NRXN3: variants seen among roughly 807,000 people sequenced by gnomAD.
The protein encoded by NRXN3 is neurexin III.
In NRXN3, 32 loss-of-function variants were observed where a neutral mutation model predicts 137.6. The ratio of observed to expected loss-of-function variants is 0.23; its 90% CI spans 0.18 to 0.31. The LOEUF is 0.31. Ranked by LOEUF, NRXN3 falls within the 10% of genes least tolerant of loss-of-function variation. The pLI is 1.00. For missense variants in NRXN3, 1,574 were observed against 2,062.5 expected (o/e 0.76, Z 4.59); for synonymous variants, 798 against 784.5 (o/e 1.02, Z -0.29).
At chr14:78,862,897 G>T (rs1267906121) in intron 10 of NRXN3, among the ~76,000 whole-genome samples, 1 of 152,124 alleles carries the variant, frequency 6.6e-6, no homozygotes, top group Non-Finnish European at 1.5e-5. Flanking sequence ...AATTTTGCAG[G>T]TCTGAAAAAC....
At chr14:79,467,149 C>T in intron 15 of NRXN3, 72 bp from the exon 16 acceptor site, 1 of 1,457,484 alleles carries the variant, frequency 6.9e-7, no homozygotes. Context: ...TGTGTAGGGT[C>T]TCAACAGTGT....
intron 15 of NRXN3, among the ~76,000 whole-genome samples, chr14:79,293,846 T>G (rs1316496382): frequency 2.6e-5 from 4 of 152,230 alleles, no homozygotes; most frequent in Non-Finnish European, 4.4e-5. Context: ...ATCAAACTGT[T>G]TGATGAGAGC....
chr14:79,052,304 G>A (rs2152573173), intron 15 of NRXN3, among the ~76,000 whole-genome samples: 1 of 152,298 alleles, frequency 6.6e-6, no homozygotes. Flanking sequence ...GAGAGAAAAT[G>A]ATTTCTAGGA....
At chr14:79,379,259 T>C (rs1051622577) in intron 15 of NRXN3, among the ~76,000 whole-genome samples, 1 of 152,192 alleles carries the variant, frequency 6.6e-6, no homozygotes, top group African/African-American at 2.4e-5. Context: ...GGTAAATCCT[T>C]AAGCATAAGG....
intron 10 of NRXN3, among the ~76,000 whole-genome samples, chr14:78,851,688 T>C (rs752119822): frequency 1.3e-5 from 2 of 152,172 alleles, no homozygotes; most frequent in Non-Finnish European, 2.9e-5. Flanking sequence ...GCCAGGCATG[T>C]CACTCAGATG....
At chr14:78,987,998 T>C (rs755014824) in intron 14 of NRXN3, 24 bp from the exon 15 acceptor site, 38 of 1,593,438 alleles carry the variant, frequency 2.4e-5, no homozygotes, top group Admixed American at 3.6e-5. Flanking sequence ...TTTCTTTTTT[T>C]CCCCTCTTCT....
chr14:79,665,175 T>C (rs1475077889), intron 17 of NRXN3, among the ~76,000 whole-genome samples: 2 of 152,172 alleles, frequency 1.3e-5, no homozygotes, highest in Non-Finnish European at 2.9e-5. Context: ...GGTTGTTCCC[T>C]AACTGCTAGA....
At chr14:79,684,376 T>C (rs2098686216) in intron 17 of NRXN3, among the ~76,000 whole-genome samples, 1 of 152,168 alleles carries the variant, frequency 6.6e-6, no homozygotes, top group African/African-American at 2.4e-5. Context: ...CGGTTGCAAA[T>C]CAGTATACTA....
intron 4 of NRXN3, among the ~76,000 whole-genome samples, chr14:78,529,891 A>G (rs534858702): frequency 6.6e-6 from 1 of 152,344 alleles, no homozygotes; most frequent in Non-Finnish European, 1.5e-5. Flanking sequence ...GTGAGAGAAC[A>G]ATGCAGGCAG....
chr14:79,657,764 C>T (rs978479711), intron 16 of NRXN3, among the ~76,000 whole-genome samples: 2 of 152,278 alleles, frequency 1.3e-5, no homozygotes, highest in African/African-American at 2.4e-5. Context: ...TAAGCTGTAA[C>T]TCATCTTTTT....
intron 19 of NRXN3, among the ~76,000 whole-genome samples, chr14:79,758,110 C>A (rs1005930055): frequency 1.3e-5 from 2 of 152,100 alleles, no homozygotes; most frequent in Admixed American, 6.5e-5. Context: ...AATAGAATTA[C>A]CTTCATGGAG....
rs568480459 is a variant in NRXN3, at chr14:79,360,757, G to A, written c.3263-106464G>A. ...ATAGGAGGCAAGAAATTAAAAGGGT[G>A]GGAGAAACATTAATTAGGCTATGCT... On this transcript the variant is annotated intron_variant, in intron 15 of 20. Coordinates refer to ENST00000335750, the MANE Select transcript of NRXN3 (RefSeq NM_001330195.2). 2.6e-5 allele frequency among the ~76,000 whole-genome samples: 4 copies of A among 152,250 alleles called. No individual in the cohort carries two copies. In the South Asian group the frequency reaches 8.3e-4, roughly 32 times the overall value.
At chr14:79,136,648 G>A (rs1405730853) in intron 15 of NRXN3, among the ~76,000 whole-genome samples, 3 of 152,192 alleles carry the variant, frequency 2.0e-5, no homozygotes, top group Non-Finnish European at 2.9e-5. Context: ...TCACAATGGG[G>A]CCAAGGTCTG....
chr14:78,411,777 G>A (rs2092843580), intron 4 of NRXN3, among the ~76,000 whole-genome samples: 1 of 152,142 alleles, frequency 6.6e-6, no homozygotes, highest in Non-Finnish European at 1.5e-5. Context: ...GGCCAGGGTG[G>A]CTGCCAGATT....
At chr14:79,846,746 T>G (rs2099375442) in intron 20 of NRXN3, among the ~76,000 whole-genome samples, 1 of 152,186 alleles carries the variant, frequency 6.6e-6, no homozygotes, top group South Asian at 2.1e-4. Context: ...TGTTTTTTAG[T>G]CTCAGCTAGA....
At chr14:79,228,900 G>A (rs1384649971) in intron 15 of NRXN3, among the ~76,000 whole-genome samples, 2 of 152,110 alleles carry the variant, frequency 1.3e-5, no homozygotes, top group African/African-American at 4.8e-5. Flanking sequence ...TGGCATACGT[G>A]TTACACTTTT....
chr14:79,215,549 A>G (rs1474287948), intron 15 of NRXN3, among the ~76,000 whole-genome samples: 5 of 152,182 alleles, frequency 3.3e-5, no homozygotes, highest in African/African-American at 9.6e-5. Flanking sequence ...CACGTCTCAC[A>G]TGGCAGCAGA....
chr14:79,105,934 T>C (rs2152861244), intron 15 of NRXN3, among the ~76,000 whole-genome samples: 1 of 152,248 alleles, frequency 6.6e-6, no homozygotes, highest in East Asian at 1.9e-4. Flanking sequence ...CTACTACTAC[T>C]TTTCTGACTT....
chr14:78,599,824 G>A (rs925168070), intron 4 of NRXN3, among the ~76,000 whole-genome samples: 4 of 152,206 alleles, frequency 2.6e-5, no homozygotes, highest in Middle Eastern at 3.2e-3. Flanking sequence ...GGGAAAAAAA[G>A]AAATAATAGG....
Sources: allele counts gnomAD v4.1 joint callset (sites outside exome capture counted in the v4.1 genomes callset), GRCh38; gene constraint gnomAD v4.1.1; transcripts MANE v1.5; gene names NCBI Gene and HGNC (gene_info 2026-07-23, HGNC 2026-07-21).